Variants in BCAR3 observed in about 807,000 individuals in gnomAD.
BCAR3 encodes BCAR3 adaptor protein, NSP family member, also known as breast cancer anti-estrogen resistance protein 3.
A neutral mutation model predicts 80.1 loss-of-function variants in BCAR3; 37 were observed. The observed-to-expected ratio is 0.46, with a 90% confidence interval of 0.36 to 0.61. The LOEUF (loss-of-function observed/expected upper bound fraction) is 0.61, where lower values mean the gene tolerates loss of function less well. Ranked by LOEUF, BCAR3 falls within the 20% of genes least tolerant of loss-of-function variation. BCAR3 has a pLI of 0.00. For synonymous variants in BCAR3, 389 were observed against 418.9 expected, an observed-to-expected ratio of 0.93 and a Z score of 0.87; for missense variants, 978 against 1,068.2, an observed-to-expected ratio of 0.92 and a Z score of 1.18.
chr1:93,735,708 T>C (rs1345032740), intron 2 of BCAR3, among the ~76,000 whole-genome samples: 1 of 152,236 alleles, frequency 6.6e-6, no homozygotes, highest in Non-Finnish European at 1.5e-5. Context: ...TATCCATTTA[T>C]TGCATAAAGT....
At chr1:93,748,546 T>C (rs1004920734) in intron 2 of BCAR3, among the ~76,000 whole-genome samples, 3 of 152,308 alleles carry the variant, frequency 2.0e-5, no homozygotes, top group African/African-American at 7.2e-5. Context: ...TTCAATGATC[T>C]TGTGATTTTT....
At chr1:93,741,647 C>A (rs1651179414) in intron 2 of BCAR3, among the ~76,000 whole-genome samples, 1 of 152,158 alleles carries the variant, frequency 6.6e-6, no homozygotes, top group South Asian at 2.1e-4. Flanking sequence ...CGGCTCACTG[C>A]AACCTCCACC....
intron 3 of BCAR3, chr1:93,613,971 G>T (rs1675029734): frequency 6.5e-7 from 1 of 1,548,452 alleles, no homozygotes; most frequent in Non-Finnish European, 8.7e-7. Flanking sequence ...CTTTCTTTAG[G>T]GTTAAAAGAA....
chr1:93,811,277 G>A (rs1274049571), intron 2 of BCAR3, among the ~76,000 whole-genome samples: 2 of 152,192 alleles, frequency 1.3e-5, no homozygotes, highest in Non-Finnish European at 2.9e-5. Context: ...CAGATACAGG[G>A]TCTGGGGCAG....
chr1:93,647,551 C>T (rs1676179389), intron 2 of BCAR3, among the ~76,000 whole-genome samples: 1 of 152,134 alleles, frequency 6.6e-6, no homozygotes, highest in Non-Finnish European at 1.5e-5. Context: ...TAGAATATTT[C>T]CAACACTGCA....
chr1:93,710,969 C>T (rs1650000322), intron 2 of BCAR3, among the ~76,000 whole-genome samples: 1 of 152,204 alleles, frequency 6.6e-6, no homozygotes, highest in African/African-American at 2.4e-5. Context: ...TCATTGTGGA[C>T]CTCAGTGCCT....
chr1:93,608,724 C>CTGATAT (rs1356778828), intron 3 of BCAR3, among the ~76,000 whole-genome samples: 2 of 152,212 alleles, frequency 1.3e-5, no homozygotes, highest in African/African-American at 4.8e-5. Context: ...TGTCTTTCCC[C>CTGATAT]TGATATTGAA....
intron 2 of BCAR3, among the ~76,000 whole-genome samples, chr1:93,716,484 T>C (rs967840380): frequency 3.9e-5 from 6 of 152,224 alleles, no homozygotes; most frequent in African/African-American, 1.2e-4. Flanking sequence ...GCTTGGCCTG[T>C]GAGATCAAGG....
chr1:93,675,025 A>G, intron 1 of BCAR3, 84 bp from the exon 2 acceptor site: 1 of 1,126,804 alleles, frequency 8.9e-7, no homozygotes, highest in Non-Finnish European at 1.2e-6. Context: ...AAATGGAAAT[A>G]TGCCACATAA....
chr1:93,828,670 T>G (rs1461764015), intron 2 of BCAR3, among the ~76,000 whole-genome samples: 2 of 152,196 alleles, frequency 1.3e-5, no homozygotes, highest in Non-Finnish European at 2.9e-5. Flanking sequence ...TCTTTGTGTA[T>G]TCATTTTTGA....
intron 2 of BCAR3, among the ~76,000 whole-genome samples, chr1:93,767,668 T>C (rs972198727): frequency 6.6e-6 from 1 of 152,218 alleles, no homozygotes; most frequent in African/African-American, 2.4e-5. Flanking sequence ...TCTTTGAGGC[T>C]GAAGGAAATC....
chr1:93,588,198 C>T (rs930997174), intron 5 of BCAR3, among the ~76,000 whole-genome samples: 4 of 152,166 alleles, frequency 2.6e-5, no homozygotes, highest in Non-Finnish European at 5.9e-5. Flanking sequence ...AGCCCATAGT[C>T]TTCCAGCTCA....
intron 2 of BCAR3, among the ~76,000 whole-genome samples, chr1:93,751,105 C>T (rs897489055): frequency 2.0e-5 from 3 of 152,196 alleles, no homozygotes; most frequent in African/African-American, 4.8e-5. Flanking sequence ...TCCCTTCATC[C>T]TGACCAGAAC....
intron 2 of BCAR3, among the ~76,000 whole-genome samples, chr1:93,811,721 C>G (rs960731473): frequency 1.3e-5 from 2 of 152,148 alleles, no homozygotes; most frequent in Non-Finnish European, 2.9e-5. Flanking sequence ...GTTCAGAAAC[C>G]AATGCTGAAA....
chr1:93,591,698 A>C (rs6661488), intron 4 of BCAR3, among the ~76,000 whole-genome samples: 53,473 of 152,066 alleles, frequency 0.35, 12,540 homozygotes, highest in African/African-American at 0.68. Flanking sequence ...GACGATCACA[A>C]AGTATATTCT....
chr1:93,705,233 G>A (rs760089276), intron 3 of BCAR3, among the ~76,000 whole-genome samples: 8 of 152,134 alleles, frequency 5.3e-5, no homozygotes, highest in African/African-American at 9.7e-5. Context: ...TCTCCATCTC[G>A]TGCATTTAGA....
chr1:93,625,103 C>T (rs1238658491), intron 3 of BCAR3, among the ~76,000 whole-genome samples: 1 of 152,058 alleles, frequency 6.6e-6, no homozygotes, highest in Non-Finnish European at 1.5e-5. Flanking sequence ...CCCAGCTACT[C>T]GGGAGGCTGA....
rs189239753 is a variant in BCAR3 at position 93,767,478 on chromosome 1, C to T, written c.-62-61336G>A. On this transcript the variant is annotated intron_variant, in intron 2 of 13. Transcript: ENST00000370244. ...AGTTGAGGCTGCAGTGAGCCGTGAT[C>T]ACACCACTGCACTCCAGCCTGTGTA... Among the ~76,000 whole-genome samples the T allele has an allele frequency of 2.2e-3, 326 of 150,260 alleles. 1 individual carries two copies. Among genetic ancestry groups the T allele is most frequent in the African/African-American group, 7.4e-3 (302 of 40,826 alleles).
intron 5 of BCAR3, among the ~76,000 whole-genome samples, chr1:93,588,656 C>T (rs1010831477): frequency 7.9e-5 from 12 of 152,086 alleles, no homozygotes; most frequent in Non-Finnish European, 1.5e-4. Context: ...CATGCTATGC[C>T]TCCCACCTGG....
Sources: allele counts gnomAD v4.1 joint callset (sites outside exome capture counted in the v4.1 genomes callset), GRCh38; gene constraint gnomAD v4.1.1; transcripts MANE v1.5; gene names NCBI Gene and HGNC (gene_info 2026-07-23, HGNC 2026-07-21).